PUM2: variants seen among roughly 807,000 people sequenced by gnomAD.
PUM2 encodes pumilio RNA binding family member 2.
PUM2 carries 57 observed loss-of-function variants against 124.5 expected under a neutral mutation model. The ratio of observed to expected loss-of-function variants is 0.46; its 90% CI spans 0.37 to 0.57. PUM2 has a LOEUF of 0.57. Among genes scored for constraint, PUM2 ranks in the 20% least tolerant of loss-of-function variants. PUM2 has a pLI of 0.00. For missense variants in PUM2, 1,065 were observed against 1,290.6 expected (o/e 0.83, Z 2.68); for synonymous variants, 460 against 446.1 (o/e 1.03, Z -0.39).
intron 1 of PUM2, among the ~76,000 whole-genome samples, chr2:20,336,583 C>G (rs1268084070): frequency 6.6e-6 from 1 of 151,652 alleles, no homozygotes; most frequent in Non-Finnish European, 1.5e-5. Context: ...GTGACGTAAT[C>G]AGGGTTCACT....
chr2:20,341,966 C>CGGCCTTTT (rs1304767753), intron 1 of PUM2, among the ~76,000 whole-genome samples: 3 of 151,698 alleles, frequency 2.0e-5, no homozygotes, highest in African/African-American at 7.3e-5. Flanking sequence ...GCCGTCTCTA[C>CGGCCTTTT]TAAAATATAA....
At chr2:20,307,173 C>T (rs1020957182) in intron 7 of PUM2, among the ~76,000 whole-genome samples, 5 of 151,884 alleles carry the variant, frequency 3.3e-5, no homozygotes, top group Admixed American at 2.6e-4. Flanking sequence ...CCGAGATTGC[C>T]CCACTGTACT....
chr2:20,297,469 C>A, intron 8 of PUM2, 84 bp downstream of exon 8: 2 of 1,245,528 alleles, frequency 1.6e-6, no homozygotes, highest in South Asian at 2.2e-5. Flanking sequence ...TTCAAATTGC[C>A]CAAATAGAGA....
intron 1 of PUM2, among the ~76,000 whole-genome samples, chr2:20,343,804 CT>C (rs1687683460): frequency 6.6e-6 from 1 of 152,110 alleles, no homozygotes; most frequent in Non-Finnish European, 1.5e-5. Context: ...TGTTGTGCGC[CT>C]GTAATGCCAG....
intron 17 of PUM2, among the ~76,000 whole-genome samples, chr2:20,255,822 T>C (rs1572531104): frequency 6.6e-6 from 1 of 152,332 alleles, no homozygotes; most frequent in South Asian, 2.1e-4. Flanking sequence ...CTTAAAGTAA[T>C]GTGATTAAAC....
At chr2:20,339,402 A>AC (rs1232552821) in intron 1 of PUM2, among the ~76,000 whole-genome samples, 1 of 152,098 alleles carries the variant, frequency 6.6e-6, no homozygotes, top group African/African-American at 2.4e-5. Flanking sequence ...AAAGAAAAAT[A>AC]TTTTCATTTT....
intron 1 of PUM2, among the ~76,000 whole-genome samples, chr2:20,330,340 G>A (rs555830431): frequency 6.6e-6 from 1 of 152,240 alleles, no homozygotes; most frequent in Non-Finnish European, 1.5e-5. Flanking sequence ...GGAGTGATGA[G>A]TGTCTTCTGC....
chr2:20,294,558 A>AT, intron 8 of PUM2, 40 bp from the exon 9 acceptor site: 1 of 1,556,032 alleles, frequency 6.4e-7, no homozygotes, highest in Non-Finnish European at 8.7e-7. Flanking sequence ...AAGTTACTAG[A>AT]TTTTACATAG....
chr2:20,308,835 T>G (rs1572850732), intron 5 of PUM2, among the ~76,000 whole-genome samples: 2 of 152,184 alleles, frequency 1.3e-5, no homozygotes, highest in African/African-American at 4.8e-5. Flanking sequence ...AAAGATATAA[T>G]GCAATTTTAC....
chr2:20,349,747 T>C (rs532008831), intron 1 of PUM2, among the ~76,000 whole-genome samples: 24 of 152,248 alleles, frequency 1.6e-4, no homozygotes, highest in Non-Finnish European at 3.1e-4. Flanking sequence ...CACCAAAACA[T>C]CTGCCCCGTT....
chr2:20,343,962 C>T (rs897738935), intron 1 of PUM2, among the ~76,000 whole-genome samples: 3 of 152,142 alleles, frequency 2.0e-5, no homozygotes, highest in African/African-American at 7.2e-5. Flanking sequence ...AAAGCAATTT[C>T]TTAGATGGAG....
intron 13 of PUM2, among the ~76,000 whole-genome samples, chr2:20,276,932 G>A (rs1203078345): frequency 6.6e-6 from 1 of 152,100 alleles, no homozygotes; most frequent in Non-Finnish European, 1.5e-5. Context: ...CAACTGACCA[G>A]AATTCCTTCC....
chr2:20,249,383 G>A lies in PUM2; in HGVS notation c.*2202C>T, dbSNP rs1662758874. 6.6e-6 allele frequency: 1 copy of A among 152,550 alleles called. No individual in the cohort carries two copies. Among genetic ancestry groups the A allele is most frequent in the South Asian group, 2.1e-4 (1 of 4,830 alleles). 9.4% of individuals were successfully genotyped at this position (152,550 alleles called of 1,614,324 possible). The stretch of plus-strand genomic sequence containing the variant: ...AAAAGTGAGACAGCGGCTTTGTGTG[G>A]GTTTTAAAAAAATGAAACAAACACA... On this transcript the variant is annotated 3_prime_UTR_variant, in exon 21 of 21. Coordinates refer to ENST00000361078, the MANE Select transcript of PUM2 (RefSeq NM_015317.5).
intron 13 of PUM2, among the ~76,000 whole-genome samples, chr2:20,265,681 TTGA>T (rs1243018642): frequency 6.6e-6 from 1 of 152,246 alleles, no homozygotes; most frequent in African/African-American, 2.4e-5. Context: ...AAGTCCATTT[TTGA>T]TGATGTCACT....
upstream of PUM2, among the ~76,000 whole-genome samples, chr2:20,351,299 G>T (rs950189814): frequency 6.6e-6 from 1 of 152,242 alleles, no homozygotes; most frequent in African/African-American, 2.4e-5. Context: ...ACAAGAGCCG[G>T]ACGTTAATTC....
intron 7 of PUM2, among the ~76,000 whole-genome samples, chr2:20,302,280 T>C (rs1677174790): frequency 6.6e-6 from 1 of 152,212 alleles, no homozygotes; most frequent in Non-Finnish European, 1.5e-5. Flanking sequence ...TGTACCAGTT[T>C]ACATTCCAAA....
chr2:20,263,341 A>T lies in PUM2; in HGVS notation c.2077T>A (p.Ser693Thr). The change falls in exon 14 of 21, where the codon TCC becomes ACC. Residue 693 changes from serine to threonine, a missense_variant. Around this residue, in one of 3 missense-constraint regions of PUM2, gnomAD observed 968 missense variants for 1,159.8 expected, o/e 0.83. Transcript: ENST00000361078. ...TCAGACCTATTATACCGAAGCCGGG[A>T]AGGAGGAAAGAGCTGGCTGCTGGAG... ...FSSSSQLFPP[S>T]RLRYNRSDIM... 6.2e-7 allele frequency: 1 copy of T among 1,614,188 alleles called. No individual in the cohort carries two copies. The highest frequency in any genetic ancestry group is 2.2e-5 in the East Asian group (1 of 44,884).
At chr2:20,344,503 T>C (rs1288525253) in intron 1 of PUM2, among the ~76,000 whole-genome samples, 1 of 152,192 alleles carries the variant, frequency 6.6e-6, no homozygotes, top group Non-Finnish European at 1.5e-5. Flanking sequence ...ACTGTCCATA[T>C]TAGATAAAGG....
At chr2:20,329,387 G>C (rs147398378) in intron 1 of PUM2, among the ~76,000 whole-genome samples, 1 of 146,066 alleles carries the variant, frequency 6.8e-6, no homozygotes, top group African/African-American at 2.6e-5. Context: ...AGCCATGAGC[G>C]TACCACTGCA....
Sources: allele counts gnomAD v4.1 joint callset (sites outside exome capture counted in the v4.1 genomes callset), GRCh38; gene constraint gnomAD v4.1.1; regional missense constraint gnomAD v4.1.1; transcripts MANE v1.5; gene names NCBI Gene and HGNC (gene_info 2026-07-23, HGNC 2026-07-21).